Variants in PXDNL observed in about 807,000 individuals in gnomAD.
PXDNL encodes peroxidasin like.
In PXDNL, 145 loss-of-function variants were observed where a neutral mutation model predicts 150.8. The ratio of observed to expected loss-of-function variants is 0.96; its 90% CI spans 0.84 to 1.10. PXDNL has a LOEUF of 1.10. Ranked by LOEUF, PXDNL falls within the 50% of genes least tolerant of loss-of-function variation. The pLI is 0.00. For synonymous variants in PXDNL, 757 were observed against 725.7 expected, an observed-to-expected ratio of 1.04 and a Z score of -0.69; for missense variants, 2,087 against 1,873.9, an observed-to-expected ratio of 1.11 and a Z score of -2.10.
At chr8:51,555,688 G>A (rs1812584343) in intron 4 of PXDNL, among the ~76,000 whole-genome samples, 2 of 152,136 alleles carry the variant, frequency 1.3e-5, no homozygotes, top group Non-Finnish European at 2.9e-5. Flanking sequence ...CTTAAAAACA[G>A]TCTGCATTCT....
At chr8:51,628,019 A>G (rs960128338) in intron 2 of PXDNL, among the ~76,000 whole-genome samples, 7 of 152,202 alleles carry the variant, frequency 4.6e-5, no homozygotes, top group Non-Finnish European at 8.8e-5. Context: ...TGGGCACAAG[A>G]TTATAGTGTA....
At chr8:51,735,568 A>T (rs1817021208) in intron 1 of PXDNL, among the ~76,000 whole-genome samples, 1 of 26,400 alleles carries the variant, frequency 3.8e-5, no homozygotes, top group South Asian at 1.0e-3. Flanking sequence ...TTTTTTTGAG[A>T]CGGAGTCTCG....
At chr8:51,712,005 T>C (rs1047311011) in intron 1 of PXDNL, among the ~76,000 whole-genome samples, 12 of 152,134 alleles carry the variant, frequency 7.9e-5, no homozygotes, top group South Asian at 4.1e-4. Context: ...GGGAATTCAG[T>C]CTCAAATCCA....
At chr8:51,769,287 C>A (rs1286527235) in intron 1 of PXDNL, among the ~76,000 whole-genome samples, 1 of 152,190 alleles carries the variant, frequency 6.6e-6, no homozygotes, top group African/African-American at 2.4e-5. Context: ...GAAGACTCAG[C>A]CAGCCCTGCA....
intron 6 of PXDNL, among the ~76,000 whole-genome samples, chr8:51,476,123 G>A (rs1431634): frequency 4.6e-5 from 7 of 151,874 alleles, no homozygotes; most frequent in African/African-American, 1.7e-4. Context: ...AAACAAAAAA[G>A]CTGTAAGCAC....
chr8:51,792,956 G>A (rs1211286412), intron 1 of PXDNL, among the ~76,000 whole-genome samples: 2 of 152,192 alleles, frequency 1.3e-5, no homozygotes, highest in Non-Finnish European at 2.9e-5. Flanking sequence ...CCCCAGCACA[G>A]CACACCCTAT....
chr8:51,557,525 C>T (rs1336592229), intron 3 of PXDNL, among the ~76,000 whole-genome samples: 2 of 152,140 alleles, frequency 1.3e-5, no homozygotes. Context: ...AAGGTGATTT[C>T]TTCTCCACAC....
intron 21 of PXDNL, among the ~76,000 whole-genome samples, chr8:51,332,081 C>T (rs932190830): frequency 2.0e-5 from 3 of 152,146 alleles, no homozygotes; most frequent in African/African-American, 7.2e-5. Context: ...TCCACTTCAC[C>T]CTCTGCCACC....
chr8:51,756,115 C>A (rs533871497), intron 1 of PXDNL, among the ~76,000 whole-genome samples: 1 of 151,996 alleles, frequency 6.6e-6, no homozygotes, highest in Non-Finnish European at 1.5e-5. Flanking sequence ...TGAATTCAAC[C>A]GGGTGCAGTG....
In PXDNL at chr8:51,600,674, T is replaced by C. The variant is rs550846258; in HGVS notation, c.237-7976A>G. Among the ~76,000 whole-genome samples, 50 of 138,532 alleles carry C rather than the reference T, an allele frequency of 3.6e-4. No individual in the cohort carries two copies. The East Asian group carries it at 9.4e-3, about 26-fold the overall frequency. 90.9% of individuals were successfully genotyped at this position (138,532 alleles called of 152,430 possible). ...TAAATTATATCTTATATAAATTATA[T>C]AATTTATATGATAAATTACATCTTA... On this transcript the variant is annotated intron_variant, in intron 2 of 22. Transcript: ENST00000356297.
chr8:51,719,112 G>A (rs1454995638), intron 1 of PXDNL, among the ~76,000 whole-genome samples: 2 of 152,158 alleles, frequency 1.3e-5, no homozygotes, highest in African/African-American at 4.8e-5. Context: ...CTTCTAGGAA[G>A]TGAGGAGCCC....
chr8:51,534,926 G>A (rs1177444260), intron 4 of PXDNL, among the ~76,000 whole-genome samples: 1 of 98,540 alleles, frequency 1.0e-5, no homozygotes, highest in Non-Finnish European at 1.8e-5. Flanking sequence ...AGGAAGTGAG[G>A]ACCCCTCTGC....
chr8:51,791,913 C>A (rs113443681), intron 1 of PXDNL, among the ~76,000 whole-genome samples: 3 of 152,078 alleles, frequency 2.0e-5, no homozygotes, highest in African/African-American at 7.2e-5. Flanking sequence ...CATTGTAAAT[C>A]TGATGATGTC....
intron 1 of PXDNL, among the ~76,000 whole-genome samples, chr8:51,745,758 AT>A (rs35918137): frequency 5.5e-4 from 76 of 139,146 alleles, no homozygotes; most frequent in African/African-American, 8.5e-4. Flanking sequence ...CACCACTACC[AT>A]TTTTTTTTTT....
chr8:51,544,596 T>C (rs185111491), intron 4 of PXDNL, among the ~76,000 whole-genome samples: 8 of 152,268 alleles, frequency 5.3e-5, no homozygotes, highest in Middle Eastern at 3.4e-3. Context: ...GCAAATGTAG[T>C]TTGGCAAATT....
chr8:51,739,518 T>C (rs2036880889), intron 1 of PXDNL, among the ~76,000 whole-genome samples: 2 of 152,094 alleles, frequency 1.3e-5, no homozygotes, highest in African/African-American at 2.4e-5. Context: ...CAAAGGAATA[T>C]ACTAAAAACA....
chr8:51,769,385 C>T (rs2037268428), intron 1 of PXDNL, among the ~76,000 whole-genome samples: 1 of 152,228 alleles, frequency 6.6e-6, no homozygotes, highest in Non-Finnish European at 1.5e-5. Context: ...CAAATCTCTG[C>T]CAACTCTGGG....
At chr8:51,745,641 C>T (rs959691200) in intron 1 of PXDNL, among the ~76,000 whole-genome samples, 2 of 152,188 alleles carry the variant, frequency 1.3e-5, no homozygotes, top group Non-Finnish European at 2.9e-5. Context: ...TACCTTGCCT[C>T]CATCCTGTCC....
In PXDNL at chr8:51,414,339, C is replaced by T. The variant is rs115163980; in HGVS notation, c.1796-1081G>A. 1.7e-3 allele frequency among the ~76,000 whole-genome samples: 251 copies of T among 151,390 alleles called. 1 individual carries two copies. Among genetic ancestry groups the T allele is most frequent in the African/African-American group, 5.6e-3 (229 of 41,222 alleles). On this transcript the variant is annotated intron_variant, in intron 14 of 22. Coordinates refer to ENST00000356297, the MANE Select transcript of PXDNL (RefSeq NM_144651.5). The stretch of plus-strand genomic sequence containing the variant: ...CAGGAAAATTCCTGTATATTATGAC[C>T]ATCTATATAGCCTAGATTTTATTGT...
Sources: gnomAD v4.1 joint callset for allele counts (sites outside exome capture counted in the v4.1 genomes callset) on GRCh38, gnomAD v4.1.1 for gene constraint, MANE v1.5 for transcripts, NCBI Gene and HGNC (gene_info 2026-07-23, HGNC 2026-07-21) for gene names.